PEX14: variants seen among roughly 807,000 people sequenced by gnomAD.
The protein encoded by PEX14 is peroxisomal biogenesis factor 14, also known as peroxisomal membrane protein PEX14.
PEX14 carries 15 observed loss-of-function variants against 49.5 expected under a neutral mutation model. The observed-to-expected ratio is 0.30, with a 90% CI of 0.20 to 0.47. The LOEUF (loss-of-function observed/expected upper bound fraction) is 0.47. PEX14 is among the 20% of genes least tolerant of loss of function. The pLI, the probability that PEX14 is intolerant of heterozygous loss-of-function variation, is 1.00. For synonymous variants in PEX14, 210 were observed against 212.7 expected (o/e 0.99, Z 0.11); for missense variants, 398 against 494.8 (o/e 0.80, Z 1.86).
At chr1:10,546,101 A>G (rs1245505926) in intron 3 of PEX14, among the ~76,000 whole-genome samples, 1 of 152,176 alleles carries the variant, frequency 6.6e-6, no homozygotes, top group Non-Finnish European at 1.5e-5. Flanking sequence ...GAAAGTGCTT[A>G]GCAGAGTGTC....
chr1:10,608,048 A>G (rs1295728811), intron 4 of PEX14, among the ~76,000 whole-genome samples: 1 of 152,048 alleles, frequency 6.6e-6, no homozygotes, highest in Non-Finnish European at 1.5e-5. Context: ...GCTCACTGCA[A>G]CCTCTACCTC....
At chr1:10,520,147 TC>T (rs1373989297) in intron 2 of PEX14, among the ~76,000 whole-genome samples, 26 of 46,516 alleles carry the variant, frequency 5.6e-4, no homozygotes, top group East Asian at 9.2e-4. Context: ...GCCTTCTTCT[TC>T]TTTTTTTTTT....
Position 10,495,224 on chromosome 1 carries a change from T to G in PEX14, c.37-50T>G, listed in dbSNP as rs1641537221. The G allele has an allele frequency of 6.3e-7, 1 of 1,591,144 alleles. No homozygotes were observed. Among genetic ancestry groups the G allele is most frequent in the African/African-American group, 1.3e-5 (1 of 74,416 alleles). ...ACGGAACATCTTTGGTTTTTTGATGTCCATTGGGTGGCACTGTGATCTTAT... is the reference window on the plus strand; with the variant it reads ...ACGGAACATCTTTGGTTTTTTGATGGCCATTGGGTGGCACTGTGATCTTAT... On this transcript the variant is annotated intron_variant, in intron 1 of 8. Transcript: ENST00000356607. The surrounding 1 kb of genome is among the most constrained non-coding windows in gnomAD (Gnocchi z 4.2).
chr1:10,485,050 A>G (rs1033682222), intron 1 of PEX14, among the ~76,000 whole-genome samples: 1 of 151,750 alleles, frequency 6.6e-6, no homozygotes, highest in Non-Finnish European at 1.5e-5. Context: ...GGATACCAGG[A>G]GGTGGGGATC....
chr1:10,496,985 TAAAA>T (rs909515291), intron 2 of PEX14, among the ~76,000 whole-genome samples: 1 of 151,598 alleles, frequency 6.6e-6, no homozygotes, highest in Non-Finnish European at 1.5e-5. Flanking sequence ...AAATAATAAT[TAAAA>T]AAACCCCCGA....
At chr1:10,611,561 CA>C (rs1174002993) in intron 4 of PEX14, among the ~76,000 whole-genome samples, 1 of 152,194 alleles carries the variant, frequency 6.6e-6, no homozygotes, top group African/African-American at 2.4e-5. Context: ...AAGAAACTGT[CA>C]AACTATTTCC....
At chr1:10,564,553 A>C (rs1247662108) in intron 3 of PEX14, among the ~76,000 whole-genome samples, 2 of 150,972 alleles carry the variant, frequency 1.3e-5, no homozygotes, top group African/African-American at 4.9e-5. Context: ...CTGGGACTAC[A>C]GGTGTGAGCA....
At position 10,623,352 on chromosome 1, in the gene PEX14, A is replaced by G; in HGVS notation, c.487+231A>G. 4.1e-6 allele frequency: 2 copies of G among 491,344 alleles called. No individual in the cohort carries two copies. The allele number at this position is 491,344 out of a possible 1,614,324, so 30.4% of individuals were successfully genotyped here. A position where few individuals can be genotyped will look rare whatever the true frequency, so the allele number is the denominator to read the frequency against. On this transcript the variant is annotated intron_variant, in intron 6 of 8. Transcript: ENST00000356607. This position sits in a 1 kb window ranked among gnomAD's most constrained non-coding sequence, Gnocchi z 4.4. ...TTATGTTTTTACGGAAAGGCTCCCAACCTCAGAATATTAATAAGGGGAATA... is the reference window on the plus strand; with the variant it reads ...TTATGTTTTTACGGAAAGGCTCCCAGCCTCAGAATATTAATAAGGGGAATA...
At chr1:10,497,280 G>A (rs1383660136) in intron 2 of PEX14, among the ~76,000 whole-genome samples, 2 of 152,164 alleles carry the variant, frequency 1.3e-5, no homozygotes, top group East Asian at 1.9e-4. Flanking sequence ...CTGAGGACTC[G>A]TGTGGCAGGG....
Position 10,475,655 on chromosome 1 carries a change from T to G in PEX14, c.36+653T>G, listed in dbSNP as rs146146825. 5.2e-3 allele frequency among the ~76,000 whole-genome samples: 786 copies of G among 152,292 alleles called. 6 individuals carry two copies. The highest frequency in any genetic ancestry group is 7.7e-3 in the Non-Finnish European group (526 of 68,022). On this transcript the variant is annotated intron_variant, in intron 1 of 8. Coordinates refer to ENST00000356607, the MANE Select transcript of PEX14 (RefSeq NM_004565.3). Reference sequence around the variant, plus strand: ...CCGCTCTAGCTTTTCACCTGCAGATTCAGACAAATCCCACTCCAATAAGGG... The same window carrying G: ...CCGCTCTAGCTTTTCACCTGCAGATGCAGACAAATCCCACTCCAATAAGGG...
chr1:10,577,556 ATATATATTTTTTT>A (rs1640175995), intron 3 of PEX14, among the ~76,000 whole-genome samples: 1 of 5,890 alleles, frequency 1.7e-4, no homozygotes, highest in African/African-American at 3.7e-4. Context: ...ATATATATAT[ATATATATTTTTTT>A]TTTTTTTTTT....
chr1:10,495,226 C>A lies in PEX14; in HGVS notation c.37-48C>A. ...GGAACATCTTTGGTTTTTTGATGTC[C>A]ATTGGGTGGCACTGTGATCTTATTT... On this transcript the variant is annotated intron_variant, in intron 1 of 8. Transcript: ENST00000356607. This position sits in a 1 kb window ranked among gnomAD's most constrained non-coding sequence, Gnocchi z 4.2. 2 of 1,591,652 alleles carry A rather than the reference C, an allele frequency of 1.3e-6. No homozygotes were observed. Among genetic ancestry groups the A allele is most frequent in the South Asian group, 1.1e-5 (1 of 90,504 alleles).
chr1:10,629,430 C>A lies in PEX14; in HGVS notation c.678-101C>A. 1.3e-6 allele frequency: 1 copy of A among 799,586 alleles called. No individual in the cohort carries two copies. Among genetic ancestry groups the A allele is most frequent in the South Asian group, 1.5e-5 (1 of 67,836 alleles). The allele number at this position is 799,586 out of a possible 1,614,324, so 49.5% of individuals were successfully genotyped here. A position where few individuals can be genotyped will look rare whatever the true frequency, so the allele number is the denominator to read the frequency against. On this transcript the variant is annotated intron_variant, in intron 8 of 8. Transcript: ENST00000356607. The surrounding 1 kb of genome is among the most constrained non-coding windows in gnomAD (Gnocchi z 8.5). ...TTGCCCAGTGTCCCTGGGGGAGCAG[C>A]TCACCATCGCCGAGCCCTTGCGGGT... is the stretch of plus-strand genomic sequence containing the variant.
Position 10,576,011 on chromosome 1 carries a change from C to A in PEX14, c.170-23227C>A, listed in dbSNP as rs185934092. On this transcript the variant is annotated intron_variant, in intron 3 of 8. Transcript: ENST00000356607. ...ATCTGTTTGATTAGTAACAGTTGAG[C>A]TTTTGAAATATGTTTATTCTCAGAA... Among the ~76,000 whole-genome samples the A allele has an allele frequency of 2.9e-4, 44 of 152,254 alleles. 1 individual carries two copies. In the East Asian group the frequency reaches 8.5e-3, roughly 29 times the overall value.
intron 1 of PEX14, among the ~76,000 whole-genome samples, chr1:10,487,876 G>T (rs959690842): frequency 1.8e-4 from 28 of 152,138 alleles, no homozygotes; most frequent in African/African-American, 4.8e-4. Flanking sequence ...TGCCTCCTGG[G>T]TTCAAGGGAT....
intron 2 of PEX14, among the ~76,000 whole-genome samples, chr1:10,517,403 C>T (rs1030459619): frequency 1.3e-5 from 2 of 151,928 alleles, no homozygotes; most frequent in Non-Finnish European, 2.9e-5. Flanking sequence ...TGATATAGCC[C>T]GTATGCAGAC....
At chr1:10,478,969 T>G (rs899298957) in intron 1 of PEX14, among the ~76,000 whole-genome samples, 1 of 151,720 alleles carries the variant, frequency 6.6e-6, no homozygotes, top group African/African-American at 2.4e-5. Flanking sequence ...GCCAGGATGG[T>G]CTCGATCTCC....
intron 3 of PEX14, among the ~76,000 whole-genome samples, chr1:10,552,160 C>T (rs1254621808): frequency 6.6e-6 from 1 of 151,984 alleles, no homozygotes; most frequent in African/African-American, 2.4e-5. Flanking sequence ...AAACTATCTC[C>T]GGGCTGGGTG....
chr1:10,544,379 A>G (rs1402803135), intron 3 of PEX14, among the ~76,000 whole-genome samples: 1 of 152,160 alleles, frequency 6.6e-6, no homozygotes, highest in Non-Finnish European at 1.5e-5. Flanking sequence ...AGATTCTTTG[A>G]ACTATACCAC....
Sources: allele counts gnomAD v4.1 joint callset (sites outside exome capture counted in the v4.1 genomes callset), GRCh38; gene constraint gnomAD v4.1.1; non-coding constraint Gnocchi (gnomAD v3.1); transcripts MANE v1.5; gene names NCBI Gene and HGNC (gene_info 2026-07-23, HGNC 2026-07-21).